FAM13B: variants seen among roughly 807,000 people sequenced by gnomAD.
The protein encoded by FAM13B is protein FAM13B.
A neutral mutation model predicts 117.3 loss-of-function variants in FAM13B; 60 were observed. The ratio of observed to expected loss-of-function variants is 0.51; its 90% CI spans 0.42 to 0.63. The LOEUF is 0.63. Among genes scored for constraint, FAM13B ranks in the 30% least tolerant of loss-of-function variants. The pLI, the probability that FAM13B is intolerant of heterozygous loss-of-function variation, is 0.00. For missense variants in FAM13B, 972 were observed against 1,091.9 expected (o/e 0.89, Z 1.55); for synonymous variants, 332 against 356.1 (o/e 0.93, Z 0.76).
chr5:137,947,865 G>A (rs1215934700), intron 18 of FAM13B, among the ~76,000 whole-genome samples: 2 of 152,092 alleles, frequency 1.3e-5, no homozygotes, highest in Non-Finnish European at 1.5e-5. Context: ...GATTACAGGC[G>A]TGAGGCACCG....
intron 18 of FAM13B, among the ~76,000 whole-genome samples, chr5:137,947,246 T>C (rs1475862471): frequency 6.6e-6 from 1 of 151,324 alleles, no homozygotes; most frequent in Non-Finnish European, 1.5e-5. Flanking sequence ...GAGAGTAAAA[T>C]TGAAGATTAA....
chr5:137,966,482 T>TAGAGAGAG lies in FAM13B; in HGVS notation c.1180-4014_1180-4013insCTCTCTCT, dbSNP rs1244957354. ...TTTTATATATATATATATATATATA[T>TAGAGAGAG]ATATATAGAGAGAGAGAGAGAGAGA... On this transcript the variant is annotated intron_variant, in intron 10 of 23. Coordinates refer to ENST00000689681, the MANE Select transcript of FAM13B (RefSeq NM_001385994.1). Among the ~76,000 whole-genome samples, 341 of 53,720 alleles carry TAGAGAGAG rather than the reference T, an allele frequency of 6.3e-3. 1 individual carries two copies. The highest frequency in any genetic ancestry group is 0.01 in the East Asian group (17 of 1,664). The allele number at this position is 53,720 out of a possible 152,430, so 35.2% of individuals were successfully genotyped here. A position where few individuals can be genotyped will look rare whatever the true frequency, so the allele number is the denominator to read the frequency against.
intron 1 of FAM13B, among the ~76,000 whole-genome samples, chr5:138,044,424 C>T (rs1257122214): frequency 2.0e-5 from 3 of 151,930 alleles, no homozygotes; most frequent in Middle Eastern, 3.4e-3. Flanking sequence ...TGGTGGCACA[C>T]GCCTGTAATT....
intron 10 of FAM13B, among the ~76,000 whole-genome samples, chr5:137,976,160 T>A (rs1457622979): frequency 3.9e-5 from 6 of 152,114 alleles, no homozygotes. Context: ...TTTCACCATG[T>A]TAGCCAGGAT....
chr5:137,995,548 T>C (rs901761547), intron 7 of FAM13B, among the ~76,000 whole-genome samples: 1 of 152,192 alleles, frequency 6.6e-6, no homozygotes, highest in African/African-American at 2.4e-5. Context: ...GCTAGAACTA[T>C]ACCAAAATTA....
chr5:137,985,183 T>G, intron 10 of FAM13B, 74 bp downstream of exon 10: 1 of 1,449,568 alleles, frequency 6.9e-7, no homozygotes, highest in Non-Finnish European at 9.5e-7. Context: ...TACTGAACTA[T>G]AACTTCTGGC....
chr5:137,985,414 A>G, intron 9 of FAM13B, 25 bp from the exon 10 acceptor site: 1 of 1,611,018 alleles, frequency 6.2e-7, no homozygotes, highest in Non-Finnish European at 8.5e-7. Context: ...TAAAAATCAG[A>G]TCAGGCCAAA....
chr5:138,014,842 T>C (rs1401074157), intron 4 of FAM13B, among the ~76,000 whole-genome samples: 1 of 152,218 alleles, frequency 6.6e-6, no homozygotes, highest in Non-Finnish European at 1.5e-5. Flanking sequence ...GAGAAGCATT[T>C]CAAAATACAT....
At chr5:137,988,529 G>A (rs1777803620) in intron 7 of FAM13B, among the ~76,000 whole-genome samples, 7 of 152,110 alleles carry the variant, frequency 4.6e-5, no homozygotes, top group Admixed American at 2.6e-4. Context: ...TTGGAAAAAC[G>A]TATCACTAAC....
chr5:137,990,461 T>C (rs1778342081), intron 7 of FAM13B, among the ~76,000 whole-genome samples: 1 of 152,224 alleles, frequency 6.6e-6, no homozygotes. Context: ...TTTTAATTCT[T>C]GGTAGGGCTT....
At chr5:137,983,208 A>C (rs891212555) in intron 10 of FAM13B, among the ~76,000 whole-genome samples, 4 of 126,804 alleles carry the variant, frequency 3.2e-5, no homozygotes, top group Non-Finnish European at 6.7e-5. Flanking sequence ...AAAAAAAAAA[A>C]AAAAAAACCG....
At chr5:138,014,610 AGCAG>A (rs2150934804) in intron 4 of FAM13B, among the ~76,000 whole-genome samples, 1 of 152,376 alleles carries the variant, frequency 6.6e-6, no homozygotes, top group South Asian at 2.1e-4. Flanking sequence ...CCTAGCACAC[AGCAG>A]ATGTTCAATA....
rs1251396669 is a variant in FAM13B, at chr5:137,939,453, A to G, written c.*772T>C. The G allele has an allele frequency of 6.5e-6, 1 of 152,906 alleles. No homozygotes were observed. Among genetic ancestry groups the G allele is most frequent in the East Asian group, 1.9e-4 (1 of 5,204 alleles). 9.5% of individuals were successfully genotyped at this position (152,906 alleles called of 1,614,324 possible). A position where few individuals can be genotyped will look rare whatever the true frequency, so the allele number is the denominator to read the frequency against. ...GGATCTGATCCAGACAAATCACACCATTGCCAGCGGATAAACAGTAACTCA... is the reference window on the plus strand; with the variant it reads ...GGATCTGATCCAGACAAATCACACCGTTGCCAGCGGATAAACAGTAACTCA... On this transcript the variant is annotated 3_prime_UTR_variant, in exon 24 of 24. Coordinates refer to ENST00000689681, the MANE Select transcript of FAM13B (RefSeq NM_001385994.1).
chr5:137,957,298 T>C (rs192058427), intron 13 of FAM13B, among the ~76,000 whole-genome samples: 1 of 152,150 alleles, frequency 6.6e-6, no homozygotes, highest in African/African-American at 2.4e-5. Flanking sequence ...TCTCAGCACT[T>C]TGGGAGGCCA....
At chr5:138,011,726 C>T (rs370538854) in intron 5 of FAM13B, 42 bp downstream of exon 5, 48 of 1,495,570 alleles carry the variant, frequency 3.2e-5, no homozygotes, top group Non-Finnish European at 4.2e-5. Flanking sequence ...CCTCACATAT[C>T]TAATTTTTAA....
At chr5:138,043,770 C>T (rs1791567256) in intron 1 of FAM13B, among the ~76,000 whole-genome samples, 2 of 151,922 alleles carry the variant, frequency 1.3e-5, no homozygotes, top group Admixed American at 6.6e-5. Flanking sequence ...GAAATGGGAT[C>T]TCTCTCTGTT....
intron 1 of FAM13B, among the ~76,000 whole-genome samples, chr5:138,046,589 T>C (rs1207980045): frequency 6.6e-6 from 1 of 152,220 alleles, no homozygotes; most frequent in Non-Finnish European, 1.5e-5. Flanking sequence ...ACAGGAAGTG[T>C]AAGTGGTAGT....
Position 137,940,318 on chromosome 5 carries a change from C to G in FAM13B, c.2721G>C (p.Val907=). 2 of 1,606,986 alleles carry G rather than the reference C, an allele frequency of 1.2e-6. No individual in the cohort carries two copies. The highest frequency in any genetic ancestry group is 1.7e-6 in the Non-Finnish European group (2 of 1,174,384). The change falls in exon 24 of 24, where the codon GTG becomes GTC. Residue 907 remains valine (V), a synonymous_variant. Coordinates refer to ENST00000689681, the MANE Select transcript of FAM13B (RefSeq NM_001385994.1). ...TCTTGTACTCTCTGTACTCCTCAAG[C>G]ACTGGAACACGATCCTCTTTCTGGG... ...RNAQKEDRVP[V]LEEYREYKKI...
chr5:137,947,255 A>G (rs28727470), intron 18 of FAM13B, among the ~76,000 whole-genome samples: 1 of 151,810 alleles, frequency 6.6e-6, no homozygotes, highest in South Asian at 2.1e-4. Flanking sequence ...ATTGAAGATT[A>G]AAAAAAAATT....
Sources: allele counts gnomAD v4.1 joint callset (sites outside exome capture counted in the v4.1 genomes callset), GRCh38; gene constraint gnomAD v4.1.1; transcripts MANE v1.5; gene names NCBI Gene and HGNC (gene_info 2026-07-23, HGNC 2026-07-21).